Variants in SRGAP3 observed in about 807,000 individuals in gnomAD.
SRGAP3 encodes the protein SLIT-ROBO Rho GTPase activating protein 3.
A neutral mutation model predicts 121.1 loss-of-function variants in SRGAP3; 39 were observed. The observed-to-expected ratio is 0.32, with a 90% CI of 0.25 to 0.42. SRGAP3 has a LOEUF of 0.42. Ranked by LOEUF, SRGAP3 falls within the 10% of genes least tolerant of loss-of-function variation. SRGAP3 has a pLI of 1.00. For missense variants in SRGAP3, 1,213 were observed against 1,470.6 expected, an observed-to-expected ratio of 0.82 and a Z score of 2.86; for synonymous variants, 601 against 570.0, an observed-to-expected ratio of 1.05 and a Z score of -0.77.
chr3:9,149,454 A>G (rs1204368740), intron 1 of SRGAP3, among the ~76,000 whole-genome samples: 2 of 152,144 alleles, frequency 1.3e-5, no homozygotes, highest in Non-Finnish European at 2.9e-5. Context: ...CCATGTGTCT[A>G]CAATTCCTTT....
chr3:9,013,348 G>T lies in SRGAP3; in HGVS notation c.2107C>A (p.Pro703Thr). 1 of 1,614,040 alleles carries T rather than the reference G, an allele frequency of 6.2e-7. No individual in the cohort carries two copies. Among genetic ancestry groups the T allele is most frequent in the Non-Finnish European group, 8.5e-7 (1 of 1,180,022 alleles). Residue 703 changes from proline (P) to threonine (T), a missense_variant, in exon 17 of 22, where the codon CCT (proline) becomes ACT (threonine). Pro to Thr is a conservative substitution (Grantham distance 38, BLOSUM62 -1). Around this residue, in one of 2 missense-constraint regions of SRGAP3, gnomAD observed 793 missense variants for 1,032.9 expected, o/e 0.77. Coordinates refer to ENST00000383836, the MANE Select transcript of SRGAP3 (RefSeq NM_014850.4). ...CCAGCCATGCATTTTTCATACACAG[G>T]TCCCTCTAGCTCCCGGGGGCTGGGG... The part of the protein sequence containing the change: ...IFPSPRELEG[P>T]VYEKCMAGGE...
In SRGAP3 at chr3:8,982,599, C is replaced by T; in HGVS notation, c.*2920G>A. 1 of 222,656 alleles carries T rather than the reference C, an allele frequency of 4.5e-6. No homozygotes were observed. The highest frequency in any genetic ancestry group is 1.4e-3 in the Middle Eastern group (1 of 726). 13.8% of individuals were successfully genotyped at this position (222,656 alleles called of 1,614,324 possible). A position where few individuals can be genotyped will look rare whatever the true frequency, so the allele number is the denominator to read the frequency against. ...TACAGCAATATATAGTGGACTAAAA[C>T]AGGCAGGAGTCAGAAAGAGAAAGCC... On this transcript the variant is annotated 3_prime_UTR_variant, in exon 22 of 22. Transcript: ENST00000383836.
rs559122564 is a variant in SRGAP3, at chr3:9,296,513, T to C, written n.442+29497A>G. ...TAAGGGAAGCCTAATGAGTCTTCTC[T>C]GACTTAGATTCTTTTTGTAGAAATG... On this transcript the variant is annotated intron_variant and non_coding_transcript_variant, in intron 3 of 3. Coordinates refer to the SRGAP3 transcript ENST00000490889. Among the ~76,000 whole-genome samples, 8 of 152,366 alleles carry C rather than the reference T, an allele frequency of 5.3e-5. 1 individual carries two copies. The highest frequency in any genetic ancestry group is 1.9e-4 in the African/African-American group (8 of 41,582).
intron 3 of SRGAP3, among the ~76,000 whole-genome samples, chr3:9,315,139 C>CT (rs1352716454): frequency 6.6e-6 from 1 of 152,188 alleles, no homozygotes; most frequent in East Asian, 1.9e-4. Flanking sequence ...CCTCTCCAGT[C>CT]TATCTTCAGC....
intron 1 of SRGAP3, among the ~76,000 whole-genome samples, chr3:9,138,553 T>C (rs1014253068): frequency 1.4e-4 from 21 of 152,194 alleles, no homozygotes; most frequent in Admixed American, 6.5e-5. Context: ...TGTCATGAGT[T>C]ATGTTACTTA....
rs543169131 is a variant in SRGAP3, at chr3:9,145,109, A to G, written c.68-20192T>C. ...CTGTTGTTTATTTATTTATTTATTTATTTTCAGACAAGGTCTCACTCCGTC... is the reference window on the plus strand; with the variant it reads ...CTGTTGTTTATTTATTTATTTATTTGTTTTCAGACAAGGTCTCACTCCGTC... On this transcript the variant is annotated intron_variant, in intron 1 of 21. Transcript: ENST00000383836. 7.6e-4 allele frequency among the ~76,000 whole-genome samples: 116 copies of G among 151,894 alleles called. 1 individual carries two copies. Among genetic ancestry groups the G allele is most frequent in the African/African-American group, 2.7e-3 (113 of 41,400 alleles).
intron 19 of SRGAP3, 195 bp downstream of exon 19, chr3:8,994,148 G>T: frequency 1.4e-6 from 1 of 735,100 alleles, no homozygotes; most frequent in Non-Finnish European, 2.3e-6. Flanking sequence ...TGCTCAGAAG[G>T]AGGAATTTGG....
chr3:9,317,283 G>A (rs1955364953), intron 3 of SRGAP3, among the ~76,000 whole-genome samples: 1 of 152,122 alleles, frequency 6.6e-6, no homozygotes, highest in Admixed American at 6.5e-5. Flanking sequence ...CCAGAAACAG[G>A]GAAATATTTC....
intron 12 of SRGAP3, chr3:9,028,232 G>T: frequency 6.6e-7 from 1 of 1,511,446 alleles, no homozygotes; most frequent in Non-Finnish European, 9.1e-7. Flanking sequence ...GTCCGTGAAC[G>T]CCGAAATGCA....
chr3:9,151,127 G>C (rs913341833), intron 1 of SRGAP3, among the ~76,000 whole-genome samples: 1 of 152,224 alleles, frequency 6.6e-6, no homozygotes, highest in Non-Finnish European at 1.5e-5. Flanking sequence ...GTCAGCTAGT[G>C]GTGGGGTGGC....
At chr3:9,161,438 A>G (rs569266031) in intron 1 of SRGAP3, among the ~76,000 whole-genome samples, 3 of 152,364 alleles carry the variant, frequency 2.0e-5, no homozygotes, top group Admixed American at 2.0e-4. Flanking sequence ...GACACGTGTC[A>G]TCTCATTGGA....
At chr3:9,196,181 C>T (rs1326829269) in intron 1 of SRGAP3, among the ~76,000 whole-genome samples, 2 of 152,140 alleles carry the variant, frequency 1.3e-5, no homozygotes, top group Non-Finnish European at 2.9e-5. Flanking sequence ...AACAACCATG[C>T]ATTTGACAAG....
intron 1 of SRGAP3, among the ~76,000 whole-genome samples, chr3:9,141,817 C>A (rs751035134): frequency 2.0e-5 from 3 of 152,172 alleles, no homozygotes; most frequent in Non-Finnish European, 2.9e-5. Context: ...CAAATAAACT[C>A]TTCAGGAGAC....
At chr3:9,268,388 T>G (rs1954409170) in intron 3 of SRGAP3, among the ~76,000 whole-genome samples, 1 of 151,914 alleles carries the variant, frequency 6.6e-6, no homozygotes, top group Non-Finnish European at 1.5e-5. Flanking sequence ...AGGAGGCAAT[T>G]GTCTATAAAC....
intron 3 of SRGAP3, among the ~76,000 whole-genome samples, chr3:9,082,661 G>A (rs1947297140): frequency 6.6e-6 from 1 of 152,206 alleles, no homozygotes; most frequent in Non-Finnish European, 1.5e-5. Context: ...CTGAGCAGCT[G>A]CAGCCTCCTG....
At chr3:9,146,660 G>C (rs1456070773) in intron 1 of SRGAP3, among the ~76,000 whole-genome samples, 1 of 152,148 alleles carries the variant, frequency 6.6e-6, no homozygotes, top group Non-Finnish European at 1.5e-5. Flanking sequence ...TCCACACCTT[G>C]GCTTAGCACA....
At chr3:9,017,479 G>A (rs185100389) in intron 14 of SRGAP3, among the ~76,000 whole-genome samples, 128 of 152,178 alleles carry the variant, frequency 8.4e-4, no homozygotes, top group African/African-American at 3.0e-3. Context: ...CAGGGCTTTT[G>A]TTTATGTTAT....
At chr3:9,089,746 C>T (rs2664081) in intron 3 of SRGAP3, among the ~76,000 whole-genome samples, 53,697 of 152,078 alleles carry the variant, frequency 0.35, 10,380 homozygotes, top group Non-Finnish European at 0.45. Context: ...GGAACAGGCT[C>T]CTGTTTGCCT....
At chr3:9,198,818 G>C (rs1464659899) in intron 1 of SRGAP3, among the ~76,000 whole-genome samples, 1 of 152,180 alleles carries the variant, frequency 6.6e-6, no homozygotes, top group Non-Finnish European at 1.5e-5. Flanking sequence ...ATGTAAAACA[G>C]GCCCAGGCAC....
Sources: gnomAD v4.1 joint callset for allele counts (sites outside exome capture counted in the v4.1 genomes callset) on GRCh38, gnomAD v4.1.1 for gene constraint, gnomAD v4.1.1 regional missense constraint, MANE v1.5 for transcripts, NCBI Gene and HGNC (gene_info 2026-07-23, HGNC 2026-07-21) for gene names.